Variants in RMDN2 observed in about 807,000 individuals in gnomAD.
RMDN2 encodes the protein regulator of microtubule dynamics 2.
In RMDN2, 61 loss-of-function variants were observed where a neutral mutation model predicts 52.8. The ratio of observed to expected loss-of-function variants is 1.16; its 90% confidence interval spans 0.94 to 1.43. The LOEUF (loss-of-function observed/expected upper bound fraction) is 1.43. Among genes scored for constraint, RMDN2 ranks in the 40% most tolerant of loss-of-function variants. The pLI is 0.00. For missense variants in RMDN2, 592 were observed against 475.3 expected (o/e 1.25, Z -2.28); for synonymous variants, 180 against 153.1 (o/e 1.18, Z -1.30).
chr2:38,026,588 T>G (rs745479345), intron 10 of RMDN2, among the ~76,000 whole-genome samples: 39 of 152,122 alleles, frequency 2.6e-4, no homozygotes, highest in Non-Finnish European at 4.6e-4. Flanking sequence ...TATAAGACTT[T>G]ACTTGTTTTC....
At chr2:37,985,263 A>G (rs1419916638) in intron 5 of RMDN2, among the ~76,000 whole-genome samples, 1 of 152,232 alleles carries the variant, frequency 6.6e-6, no homozygotes, top group African/African-American at 2.4e-5. Flanking sequence ...TGAACATAGC[A>G]TCTATGCTTT....
chr2:38,019,902 A>T (rs542717733), downstream of RMDN2, among the ~76,000 whole-genome samples: 8 of 152,214 alleles, frequency 5.3e-5, no homozygotes, highest in African/African-American at 1.9e-4. Flanking sequence ...TCCACTCTCC[A>T]CAGCACTCTG....
intron 7 of RMDN2, among the ~76,000 whole-genome samples, chr2:37,992,070 A>G (rs1166636031): frequency 6.6e-6 from 1 of 152,212 alleles, no homozygotes; most frequent in Non-Finnish European, 1.5e-5. Context: ...TCTATGCCAA[A>G]TATGCATTCT....
Position 37,968,951 on chromosome 2 carries a change from A to G in RMDN2, c.453-5089A>G, listed in dbSNP as rs538300685. ...TGCCCTATTTTTAAAATTCTCTTTC[A>G]GAACTTTCTTATAAGTTTCTGAGAA... On this transcript the variant is annotated intron_variant, in intron 2 of 10. Coordinates refer to ENST00000354545, the MANE Select transcript of RMDN2 (RefSeq NM_001170791.3). Among the ~76,000 whole-genome samples the G allele has an allele frequency of 5.9e-5, 9 of 152,322 alleles. No individual in the cohort carries two copies. The East Asian group carries it at 1.3e-3, about 23-fold the overall frequency.
At position 37,952,076 on chromosome 2, in the gene RMDN2, T is replaced by G. The variant is rs747091527; in HGVS notation, c.453-21964T>G. On this transcript the variant is annotated intron_variant, in intron 2 of 10. Transcript: ENST00000354545. ...ATAAAGCTGGATTTTCTTCATCTTA[T>G]AAAAATTCTGGTTGCTTTATCCCAC... 3 of 1,613,276 alleles carry G rather than the reference T, an allele frequency of 1.9e-6. No homozygotes were observed. In the South Asian group the frequency reaches 3.3e-5, roughly 18 times the overall value.
intron 2 of RMDN2, chr2:37,951,260 A>T: frequency 6.3e-7 from 1 of 1,599,686 alleles, no homozygotes; most frequent in Non-Finnish European, 8.5e-7. Context: ...AGAGCTTCCA[A>T]CGATGTTCTC....
chr2:37,992,836 T>C (rs990899668), intron 7 of RMDN2, among the ~76,000 whole-genome samples: 2 of 152,200 alleles, frequency 1.3e-5, no homozygotes, highest in Non-Finnish European at 2.9e-5. Context: ...ATAAGGTTAA[T>C]AAGGTTAATA....
intron 6 of RMDN2, among the ~76,000 whole-genome samples, chr2:37,989,997 A>C (rs1674547013): frequency 1.3e-5 from 2 of 151,848 alleles, no homozygotes; most frequent in South Asian, 4.2e-4. Context: ...CACACACACA[A>C]AAATTAGTGG....
chr2:37,932,542 A>G (rs1299137619), intron 2 of RMDN2, among the ~76,000 whole-genome samples: 3 of 150,872 alleles, frequency 2.0e-5, no homozygotes, highest in African/African-American at 4.9e-5. Flanking sequence ...CAAAACCGCC[A>G]TTGTCATCAT....
chr2:37,966,979 G>A (rs1432020766), intron 2 of RMDN2, among the ~76,000 whole-genome samples: 1 of 152,094 alleles, frequency 6.6e-6, no homozygotes, highest in African/African-American at 2.4e-5. Context: ...GGTGAAGCTT[G>A]GGTGGAAGAA....
At position 37,989,552 on chromosome 2, in the gene RMDN2, T is replaced by C. The variant is rs1674479788; in HGVS notation, c.803T>C (p.Leu268Ser). 6.2e-7 allele frequency: 1 copy of C among 1,612,554 alleles called. No homozygotes were observed. Among genetic ancestry groups the C allele is most frequent in the East Asian group, 2.2e-5 (1 of 44,804 alleles). ...TTTGTCCTTTTCAGGTATGCAGTTT[T>C]GTGTGGCTATGTATCTGAGTTTGAG... Reference protein sequence around the residue: ...NGHCHLWYAVLCGYVSEFEGL... With the variant: ...NGHCHLWYAVSCGYVSEFEGL... The change falls in exon 6 of 11, where the codon TTG becomes TCG. Residue 268 changes from leucine (L) to serine (S), a missense_variant. By Grantham distance (145) the Leu-to-Ser change is moderately radical. Coordinates refer to ENST00000354545, the MANE Select transcript of RMDN2 (RefSeq NM_001170791.3).
chr2:37,943,088 A>G (rs568225064), intron 2 of RMDN2, among the ~76,000 whole-genome samples: 1 of 152,366 alleles, frequency 6.6e-6, no homozygotes, highest in Admixed American at 6.5e-5. Flanking sequence ...CTAAAGGCTG[A>G]GAGAAGCATT....
chr2:37,994,858 A>G (rs1211406097), intron 7 of RMDN2, among the ~76,000 whole-genome samples: 1 of 152,260 alleles, frequency 6.6e-6, no homozygotes, highest in Non-Finnish European at 1.5e-5. Context: ...CCTTAGCAGC[A>G]TAACAACATG....
chr2:37,981,575 C>T (rs1673323253), intron 5 of RMDN2, among the ~76,000 whole-genome samples: 1 of 152,204 alleles, frequency 6.6e-6, no homozygotes, highest in African/African-American at 2.4e-5. Context: ...AATGAATCTA[C>T]CAAGTCTACT....
downstream of RMDN2, among the ~76,000 whole-genome samples, chr2:38,019,280 C>A (rs1210684292): frequency 2.0e-5 from 3 of 152,216 alleles, no homozygotes. Flanking sequence ...ATTATGAGGA[C>A]TACCAAGAAA....
At chr2:38,000,473 A>G (rs1372964952) in intron 8 of RMDN2, among the ~76,000 whole-genome samples, 7 of 152,222 alleles carry the variant, frequency 4.6e-5, no homozygotes, top group Non-Finnish European at 8.8e-5. Context: ...ATCATCCTAG[A>G]GAGTTTTCTT....
chr2:37,975,256 T>G lies in RMDN2; in HGVS notation c.672T>G (p.Tyr224Ter), dbSNP rs778257674. ...IEFMWRFARA[Y>*]GDMYELSTNT... ...TTATGTGGCGATTTGCTCGTGCTTA[T>G]GGAGACATGTATGAACTATCTACAA... The change falls in exon 4 of 11, where the codon TAT (tyrosine) becomes TAG (stop). Residue 224 changes from tyrosine (Y) to a stop codon, truncating the protein, a stop_gained. Coordinates refer to ENST00000354545, the MANE Select transcript of RMDN2 (RefSeq NM_001170791.3). LOFTEE classifies it high-confidence loss of function. 1 of 1,611,796 alleles carries G rather than the reference T, an allele frequency of 6.2e-7. No individual in the cohort carries two copies. The highest frequency in any genetic ancestry group is 1.1e-5 in the South Asian group (1 of 90,980).
intron 2 of RMDN2, among the ~76,000 whole-genome samples, chr2:37,967,676 A>G (rs969283277): frequency 6.6e-6 from 1 of 152,236 alleles, no homozygotes; most frequent in Non-Finnish European, 1.5e-5. Context: ...CTCCACCATG[A>G]TGATACTCCT....
intron 2 of RMDN2, 128 bp downstream of exon 2, chr2:37,929,857 T>G (rs1031418803): frequency 1.6e-6 from 1 of 626,576 alleles, no homozygotes; most frequent in Non-Finnish European, 2.7e-6. Flanking sequence ...GAGTGATATT[T>G]TGACTTAGAT....
Sources: gnomAD v4.1 joint callset for allele counts (sites outside exome capture counted in the v4.1 genomes callset) on GRCh38, gnomAD v4.1.1 for gene constraint, MANE v1.5 for transcripts, NCBI Gene and HGNC (gene_info 2026-07-23, HGNC 2026-07-21) for gene names.